The following PHACTR3 variants were observed in gnomAD, a reference collection of about 807,000 sequenced individuals.
PHACTR3 encodes the protein protein phosphatase 1, regulatory subunit 123.
A neutral mutation model predicts 66.8 loss-of-function variants in PHACTR3; 16 were observed. The ratio of observed to expected loss-of-function variants is 0.24; its 90% CI spans 0.16 to 0.36. The LOEUF (loss-of-function observed/expected upper bound fraction) is 0.36, where lower values mean the gene tolerates loss of function less well. Among genes scored for constraint, PHACTR3 ranks in the 10% least tolerant of loss-of-function variants. PHACTR3 has a pLI of 1.00. For synonymous variants in PHACTR3, 323 were observed against 292.1 expected (o/e 1.11, Z -1.08); for missense variants, 647 against 719.9 (o/e 0.90, Z 1.16).
upstream of PHACTR3, among the ~76,000 whole-genome samples, chr20:59,602,548 G>A (rs2033510565): frequency 6.6e-6 from 1 of 152,094 alleles, no homozygotes; most frequent in South Asian, 2.1e-4. Flanking sequence ...TTTAAATAGG[G>A]AAGGCTAAAA....
chr20:59,602,340 A>T (rs2033500767), upstream of PHACTR3, among the ~76,000 whole-genome samples: 1 of 151,004 alleles, frequency 6.6e-6, no homozygotes, highest in Non-Finnish European at 1.5e-5. Flanking sequence ...CTGAGGTGGG[A>T]TGATTGTTTG....
chr20:59,818,974 G>T (rs1008604166), intron 8 of PHACTR3, among the ~76,000 whole-genome samples: 7 of 152,008 alleles, frequency 4.6e-5, no homozygotes, highest in South Asian at 2.1e-4. Context: ...TGCTCCCTAG[G>T]AGACACTCGG....
intron 7 of PHACTR3, among the ~76,000 whole-genome samples, chr20:59,785,880 CATTT>C (rs1568820748): frequency 1.1e-3 from 13 of 11,488 alleles, no homozygotes; most frequent in Middle Eastern, 0.071. Flanking sequence ...TCCCCTACTT[CATTT>C]TGTTTTCCAA....
rs1254263795 is a variant in PHACTR3, at chr20:59,841,669, C to G, written c.1587+134C>G. The G allele has an allele frequency of 1.3e-5, 12 of 946,098 alleles. No homozygotes were observed. In the East Asian group the frequency reaches 3.6e-4, roughly 29 times the overall value. The allele number at this position is 946,098 out of a possible 1,614,324, so 58.6% of individuals were successfully genotyped here. ...GGTATACTGCAGTAAATATTGGTTT[C>G]TCAAAGATAATTCAGGGTCAGATTG... On this transcript the variant is annotated intron_variant, in intron 11 of 12. Coordinates refer to ENST00000371015, the MANE Select transcript of PHACTR3 (RefSeq NM_080672.5).
At chr20:59,819,809 C>A (rs1287766773) in intron 8 of PHACTR3, among the ~76,000 whole-genome samples, 2 of 151,458 alleles carry the variant, frequency 1.3e-5, no homozygotes, top group African/African-American at 2.4e-5. Context: ...CCGGTGCTGT[C>A]CCGGTACTGG....
At chr20:59,740,663 A>T (rs1368676762) in intron 1 of PHACTR3, among the ~76,000 whole-genome samples, 2 of 148,224 alleles carry the variant, frequency 1.3e-5, no homozygotes, top group African/African-American at 5.0e-5. Flanking sequence ...TTATCATGGC[A>T]TCTTTTTTTT....
intron 1 of PHACTR3, among the ~76,000 whole-genome samples, chr20:59,597,422 G>T (rs2033356602): frequency 1.3e-5 from 2 of 152,178 alleles, no homozygotes; most frequent in South Asian, 2.1e-4. Flanking sequence ...GCCTGTGTGA[G>T]TTGGGGTATA....
intron 1 of PHACTR3, among the ~76,000 whole-genome samples, chr20:59,579,277 G>A (rs144804237): frequency 2.6e-5 from 4 of 152,302 alleles, no homozygotes; most frequent in East Asian, 3.9e-4. Context: ...ATAGTTCTGC[G>A]GCCTCTGTCT....
chr20:59,595,754 A>G (rs1430740495), intron 1 of PHACTR3, among the ~76,000 whole-genome samples: 1 of 152,082 alleles, frequency 6.6e-6, no homozygotes, highest in Admixed American at 6.5e-5. Context: ...TACCTCATGT[A>G]TTTTGACGTC....
chr20:59,836,497 T>A lies in PHACTR3; in HGVS notation c.1329-8T>A, dbSNP rs766950009. On this transcript the variant is annotated splice_region_variant and splice_polypyrimidine_tract_variant and intron_variant, in intron 8 of 12. Transcript: ENST00000371015. ...GGTGCAAAATGTAATTTTAGTGTTT[T>A]TCCGCAGACGGCTGAGCCAAAGACC... 3 of 1,607,920 alleles carry A rather than the reference T, an allele frequency of 1.9e-6. No individual in the cohort carries two copies. Among genetic ancestry groups the A allele is most frequent in the Admixed American group, 3.4e-5 (2 of 58,486 alleles).
chr20:59,816,060 A>ATATATAT (rs1490077302), intron 8 of PHACTR3, among the ~76,000 whole-genome samples: 8 of 152,154 alleles, frequency 5.3e-5, no homozygotes, highest in Admixed American at 5.2e-4. Flanking sequence ...TGAAGTTATT[A>ATATATAT]TACAACTCAC....
intron 1 of PHACTR3, among the ~76,000 whole-genome samples, chr20:59,665,246 C>T (rs1416482753): frequency 6.6e-6 from 1 of 152,162 alleles, no homozygotes; most frequent in Non-Finnish European, 1.5e-5. Context: ...TCTCTCTCTA[C>T]CTAGGATTCT....
chr20:59,655,383 T>C (rs2035584410), intron 1 of PHACTR3, among the ~76,000 whole-genome samples: 1 of 152,062 alleles, frequency 6.6e-6, no homozygotes, highest in African/African-American at 2.4e-5. Context: ...TCATCACAAT[T>C]GGTAGTCTTT....
intron 1 of PHACTR3, among the ~76,000 whole-genome samples, chr20:59,699,124 T>A (rs1052140108): frequency 1.3e-5 from 2 of 152,168 alleles, no homozygotes; most frequent in African/African-American, 4.8e-5. Context: ...AGGGAAAATA[T>A]CTAAAACCAA....
At chr20:59,732,573 G>A (rs2038805973) in intron 1 of PHACTR3, among the ~76,000 whole-genome samples, 1 of 152,140 alleles carries the variant, frequency 6.6e-6, no homozygotes, top group Non-Finnish European at 1.5e-5. Context: ...ACCAGTAAAG[G>A]AGAGAAAGGA....
chr20:59,668,680 T>C (rs2036082452), intron 1 of PHACTR3, among the ~76,000 whole-genome samples: 1 of 152,090 alleles, frequency 6.6e-6, no homozygotes, highest in Non-Finnish European at 1.5e-5. Flanking sequence ...AACAGAACAA[T>C]TCAATGCCTA....
intron 1 of PHACTR3, among the ~76,000 whole-genome samples, chr20:59,706,351 A>G (rs1422507313): frequency 1.3e-5 from 2 of 152,326 alleles, no homozygotes; most frequent in East Asian, 3.9e-4. Context: ...AATGACAGAG[A>G]GGCACCAAAA....
At position 59,774,381 on chromosome 20, in the gene PHACTR3, C is replaced by A. The variant is rs371621892; in HGVS notation, c.1065C>A (p.Ala355=). ...GGGCATTGGAGAACAAGCGAACTGC[C>A]GCTAAGGAATCTGAGGAGAACAAGG... ...FDGALENKRT[A]AKESEENKEN... is the part of the protein sequence containing the mutation. Residue 355 remains alanine (A), a synonymous_variant, in exon 7 of 13, where the codon GCC becomes GCA. Transcript: ENST00000371015. The A allele has an allele frequency of 1.2e-6, 2 of 1,614,096 alleles. No homozygotes were observed. The highest frequency in any genetic ancestry group is 1.7e-6 in the Non-Finnish European group (2 of 1,180,022).
At chr20:59,824,971 A>G (rs976803814) in intron 8 of PHACTR3, among the ~76,000 whole-genome samples, 9 of 152,224 alleles carry the variant, frequency 5.9e-5, no homozygotes, top group Non-Finnish European at 1.3e-4. Flanking sequence ...ACAGCAGCCC[A>G]GTTCTACTAG....
Sources: allele counts gnomAD v4.1 joint callset (sites outside exome capture counted in the v4.1 genomes callset), GRCh38; gene constraint gnomAD v4.1.1; transcripts MANE v1.5; gene names NCBI Gene and HGNC (gene_info 2026-07-23, HGNC 2026-07-21).